The following SPAG16 variants were observed in gnomAD, a reference collection of about 807,000 sequenced individuals.
SPAG16 encodes the protein sperm associated antigen 16.
SPAG16 carries 86 observed loss-of-function variants against 80.4 expected under a neutral mutation model. The ratio of observed to expected loss-of-function variants is 1.07; its 90% CI spans 0.90 to 1.28. SPAG16 has a LOEUF of 1.28. SPAG16 is among the 50% of genes most tolerant of loss of function. The pLI, the probability that SPAG16 is intolerant of heterozygous loss-of-function variation, is 0.00. For missense variants in SPAG16, 870 were observed against 765.3 expected, an observed-to-expected ratio of 1.14 and a Z score of -1.61; for synonymous variants, 294 against 265.9, an observed-to-expected ratio of 1.11 and a Z score of -1.03.
chr2:214,065,435 G>A (rs1323140679), intron 13 of SPAG16, among the ~76,000 whole-genome samples: 1 of 152,050 alleles, frequency 6.6e-6, no homozygotes, highest in Non-Finnish European at 1.5e-5. Flanking sequence ...AATTATGAAA[G>A]TTCTCATCTA....
chr2:213,536,126 G>A lies in SPAG16; in HGVS notation c.1070+46036G>A, dbSNP rs143823965. Among the ~76,000 whole-genome samples the A allele has an allele frequency of 2.3e-4, 35 of 152,070 alleles. 1 individual carries two copies. In the East Asian group the frequency reaches 6.2e-3, roughly 27 times the overall value. On this transcript the variant is annotated intron_variant, in intron 10 of 15. Coordinates refer to ENST00000331683, the MANE Select transcript of SPAG16 (RefSeq NM_024532.5). ...ATTTTGCCTCTTAAATTTTGACTTA[G>A]TCTTTTGTATAGTTCACATTCTTTC... is the stretch of plus-strand genomic sequence containing the variant.
chr2:213,928,006 A>G (rs990399716), intron 11 of SPAG16, among the ~76,000 whole-genome samples: 3 of 152,238 alleles, frequency 2.0e-5, no homozygotes, highest in Admixed American at 1.3e-4. Flanking sequence ...TGGCAAAAAC[A>G]GTTTTTGTTG....
rs112654247 is a variant in SPAG16, at chr2:213,495,218, C to T, written c.1070+5128C>T. The stretch of plus-strand genomic sequence containing the variant: ...TGAACTTGGGAATTTGGCCATGTGC[C>T]TAAAAATGACCAAAGGCAGTGCATA... On this transcript the variant is annotated intron_variant, in intron 10 of 15. Transcript: ENST00000331683. Among the ~76,000 whole-genome samples the T allele has an allele frequency of 7.9e-4, 120 of 152,264 alleles. 2 individuals are homozygous for T. Among genetic ancestry groups the T allele is most frequent in the Middle Eastern group, 3.4e-3 (1 of 294 alleles).
At chr2:214,281,202 G>A (rs550847469) in intron 15 of SPAG16, 42 of 326,532 alleles carry the variant, frequency 1.3e-4, no homozygotes, top group Non-Finnish European at 1.9e-4. Flanking sequence ...CAACCTTCAC[G>A]CCATATTTTG....
chr2:213,469,050 AAATGTT>A (rs956762566), intron 9 of SPAG16, among the ~76,000 whole-genome samples: 2 of 152,108 alleles, frequency 1.3e-5, no homozygotes, highest in African/African-American at 4.8e-5. Flanking sequence ...CCACTGATTC[AAATGTT>A]AATGTTCTTT....
intron 10 of SPAG16, among the ~76,000 whole-genome samples, chr2:213,663,199 A>C (rs555840218): frequency 5.7e-4 from 87 of 152,254 alleles, no homozygotes; most frequent in African/African-American, 1.9e-3. Flanking sequence ...ATGATGAAAT[A>C]GGAAAATAAA....
intron 10 of SPAG16, among the ~76,000 whole-genome samples, chr2:213,597,929 A>G (rs1007157974): frequency 3.3e-5 from 5 of 152,094 alleles, no homozygotes; most frequent in African/African-American, 1.2e-4. Context: ...TCAATTTTGG[A>G]AAGATTAACT....
At chr2:213,921,267 C>A (rs1039260880) in intron 11 of SPAG16, among the ~76,000 whole-genome samples, 34 of 152,132 alleles carry the variant, frequency 2.2e-4, no homozygotes, top group African/African-American at 8.0e-4. Flanking sequence ...TTATATAGTG[C>A]TCTTCTTTAG....
chr2:213,914,496 T>A (rs1048490746), intron 11 of SPAG16, among the ~76,000 whole-genome samples: 1 of 152,146 alleles, frequency 6.6e-6, no homozygotes, highest in African/African-American at 2.4e-5. Flanking sequence ...ATATATATAG[T>A]ATACGCTTTC....
At chr2:214,188,756 A>T (rs1437950453) in intron 15 of SPAG16, among the ~76,000 whole-genome samples, 4 of 152,090 alleles carry the variant, frequency 2.6e-5, no homozygotes, top group African/African-American at 9.7e-5. Flanking sequence ...CTATTTTTCA[A>T]ATTTGAAAAT....
intron 12 of SPAG16, among the ~76,000 whole-genome samples, chr2:213,954,687 G>A (rs1272598518): frequency 6.6e-6 from 1 of 152,026 alleles, no homozygotes; most frequent in Non-Finnish European, 1.5e-5. Context: ...GAGCTGAATT[G>A]CTGGATCCCA....
At chr2:213,512,387 G>A (rs2075264229) in intron 10 of SPAG16, among the ~76,000 whole-genome samples, 1 of 152,112 alleles carries the variant, frequency 6.6e-6, no homozygotes, top group South Asian at 2.1e-4. Flanking sequence ...AAGCTACAGA[G>A]CCCTAAACCT....
chr2:213,883,231 C>T (rs1274239992), intron 11 of SPAG16, among the ~76,000 whole-genome samples: 1 of 152,106 alleles, frequency 6.6e-6, no homozygotes, highest in Non-Finnish European at 1.5e-5. Flanking sequence ...AATTTCAATA[C>T]TTTTTTATTT....
intron 10 of SPAG16, among the ~76,000 whole-genome samples, chr2:213,648,352 T>A (rs1279566984): frequency 6.6e-6 from 1 of 152,184 alleles, no homozygotes; most frequent in Non-Finnish European, 1.5e-5. Flanking sequence ...CTTAAGTACA[T>A]CTATAGTTTG....
chr2:213,457,874 C>A (rs917638406), intron 9 of SPAG16, among the ~76,000 whole-genome samples: 1 of 149,156 alleles, frequency 6.7e-6, no homozygotes, highest in African/African-American at 2.6e-5. Flanking sequence ...ATTCCCTCTT[C>A]TTTTATTTTT....
At chr2:213,713,869 G>A (rs917949028) in intron 10 of SPAG16, among the ~76,000 whole-genome samples, 2 of 152,182 alleles carry the variant, frequency 1.3e-5, no homozygotes, top group African/African-American at 2.4e-5. Flanking sequence ...GAAAGAAGCT[G>A]TTGAAAGGGG....
intron 10 of SPAG16, among the ~76,000 whole-genome samples, chr2:213,616,144 A>G (rs1322901131): frequency 6.6e-6 from 1 of 152,252 alleles, no homozygotes; most frequent in East Asian, 1.9e-4. Context: ...GCCATGTACC[A>G]TTAAGTGGAA....
At chr2:214,218,658 T>C (rs546687715) in intron 15 of SPAG16, among the ~76,000 whole-genome samples, 28 of 152,338 alleles carry the variant, frequency 1.8e-4, no homozygotes, top group Non-Finnish European at 3.7e-4. Flanking sequence ...GAATGTGATT[T>C]GATTTATTAT....
At chr2:214,275,338 G>C (rs1692383217) in intron 15 of SPAG16, among the ~76,000 whole-genome samples, 1 of 152,102 alleles carries the variant, frequency 6.6e-6, no homozygotes, top group African/African-American at 2.4e-5. Context: ...CCTTCTGCTA[G>C]CTTTTGAATT....
Sources: gnomAD v4.1 joint callset for allele counts (sites outside exome capture counted in the v4.1 genomes callset) on GRCh38, gnomAD v4.1.1 for gene constraint, MANE v1.5 for transcripts, NCBI Gene and HGNC (gene_info 2026-07-23, HGNC 2026-07-21) for gene names.